Variants in SCN3A observed in about 807,000 individuals in gnomAD.
SCN3A encodes the protein sodium voltage-gated channel alpha subunit 3.
SCN3A carries 60 observed loss-of-function variants against 187.6 expected under a neutral mutation model. The ratio of observed to expected loss-of-function variants is 0.32; its 90% CI spans 0.26 to 0.40. The LOEUF is 0.40. Among genes scored for constraint, SCN3A ranks in the 10% least tolerant of loss-of-function variants. SCN3A has a pLI of 1.00. For missense variants in SCN3A, 1,601 were observed against 2,428.2 expected, an observed-to-expected ratio of 0.66 and a Z score of 7.16; for synonymous variants, 788 against 829.2, an observed-to-expected ratio of 0.95 and a Z score of 0.85.
chr2:165,150,844 A>G (rs1688647674), intron 11 of SCN3A, among the ~76,000 whole-genome samples: 2 of 152,236 alleles, frequency 1.3e-5, no homozygotes, highest in South Asian at 2.1e-4. Context: ...GCTTTAAAAT[A>G]CAATCATATG....
At chr2:165,098,429 C>T (rs959141157) in intron 22 of SCN3A, among the ~76,000 whole-genome samples, 1 of 152,102 alleles carries the variant, frequency 6.6e-6, no homozygotes, top group Non-Finnish European at 1.5e-5. Context: ...GACATCAAAA[C>T]CAGAAATCCA....
At chr2:165,115,899 C>T (rs570944604) in intron 18 of SCN3A, among the ~76,000 whole-genome samples, 1 of 152,014 alleles carries the variant, frequency 6.6e-6, no homozygotes, top group Non-Finnish European at 1.5e-5. Flanking sequence ...ACATTGAGGC[C>T]AAACCAAGAA....
Position 165,092,353 on chromosome 2 carries a change from T to C in SCN3A, c.4708A>G (p.Thr1570Ala). The change falls in exon 27 of 28, where the codon ACT becomes GCT. Residue 1570 changes from threonine (T) to alanine (A), a missense_variant. By Grantham distance (58) the Thr-to-Ala change is moderately conservative. Around this residue, in one of 11 missense-constraint regions of SCN3A, gnomAD observed 320 missense variants for 623.2 expected, o/e 0.51. Coordinates refer to ENST00000283254, the MANE Select transcript of SCN3A (RefSeq NM_006922.4). The surrounding 1 kb of genome is among the most constrained non-coding windows in gnomAD (Gnocchi z 4.2). ...RINLVFIVLFTGEFVLKLVSL... is the reference protein window; with the variant it reads ...RINLVFIVLFAGEFVLKLVSL... ...ACGAGCTTCAGCACAAATTCTCCAGTGAACAGAACAATGAACACTAGGTTG... is the reference window on the plus strand; with the variant it reads ...ACGAGCTTCAGCACAAATTCTCCAGCGAACAGAACAATGAACACTAGGTTG... 7.4e-6 allele frequency: 12 copies of C among 1,613,950 alleles called. No individual in the cohort carries two copies. The highest frequency in any genetic ancestry group is 1.0e-5 in the Non-Finnish European group (12 of 1,179,952).
At chr2:165,197,203 T>C (rs1692019305) in intron 1 of SCN3A, among the ~76,000 whole-genome samples, 1 of 152,130 alleles carries the variant, frequency 6.6e-6, no homozygotes. Flanking sequence ...TTGCATAATA[T>C]CTTTACTTAA....
chr2:165,143,911 A>G (rs912595840), intron 12 of SCN3A, among the ~76,000 whole-genome samples: 1 of 152,194 alleles, frequency 6.6e-6, no homozygotes, highest in African/African-American at 2.4e-5. Flanking sequence ...GGGAACAAGG[A>G]AAGTGAATAT....
At chr2:165,172,204 C>A (rs572763519) in intron 3 of SCN3A, among the ~76,000 whole-genome samples, 2 of 152,022 alleles carry the variant, frequency 1.3e-5, no homozygotes, top group South Asian at 4.2e-4. Flanking sequence ...TTCATTATCC[C>A]TTTGTGTTTA....
At chr2:165,153,852 GTCTCT>G (rs1203911835) in intron 11 of SCN3A, among the ~76,000 whole-genome samples, 1 of 151,336 alleles carries the variant, frequency 6.6e-6, no homozygotes, top group Non-Finnish European at 1.5e-5. Flanking sequence ...CTGTGTTTCC[GTCTCT>G]TCTCCTCAAC....
intron 18 of SCN3A, among the ~76,000 whole-genome samples, chr2:165,117,816 G>A (rs1349289554): frequency 6.6e-6 from 1 of 152,056 alleles, no homozygotes; most frequent in East Asian, 1.9e-4. Context: ...AATTATACAT[G>A]TATACACACA....
intron 1 of SCN3A, among the ~76,000 whole-genome samples, chr2:165,192,992 T>C (rs1162591674): frequency 6.6e-6 from 1 of 152,152 alleles, no homozygotes; most frequent in East Asian, 1.9e-4. Context: ...CAAAATGATA[T>C]TTAGGACATA....
chr2:165,161,101 T>TTTC (rs1012886213), intron 9 of SCN3A, among the ~76,000 whole-genome samples: 4 of 151,638 alleles, frequency 2.6e-5, no homozygotes, highest in Admixed American at 2.0e-4. Context: ...TTTTTCTTTT[T>TTTC]TTCTTCTTCT....
intron 15 of SCN3A, among the ~76,000 whole-genome samples, chr2:165,131,936 A>AT (rs1474534352): frequency 6.6e-6 from 1 of 151,874 alleles, no homozygotes; most frequent in Non-Finnish European, 1.5e-5. Flanking sequence ...TGAACTCATC[A>AT]TTTTTTATGG....
intron 5 of SCN3A, 98 bp from the exon 6 acceptor site, chr2:165,164,618 A>G (rs1212903301): frequency 6.9e-6 from 9 of 1,306,906 alleles, no homozygotes; most frequent in East Asian, 5.0e-5. Context: ...TGGTTTTTCA[A>G]TTCATTAAAA....
chr2:165,127,887 T>C lies in SCN3A; in HGVS notation c.3137A>G (p.Asp1046Gly). ...VIEIHEGNKI[D>G]SCMSNNTGIE... is the part of the protein sequence containing the mutation. Reference sequence around the variant, plus strand: ...TCCAGTATTATTGGACATGCAGCTGTCTATCTTATTGCCTTCATGGATTTC... The same window carrying C: ...TCCAGTATTATTGGACATGCAGCTGCCTATCTTATTGCCTTCATGGATTTC... Residue 1046 changes from aspartate to glycine, a missense_variant, in exon 18 of 28, where the codon GAC becomes GGC. Asp to Gly is a moderately conservative substitution (Grantham distance 94). Transcript: ENST00000283254. The C allele has an allele frequency of 6.2e-7, 1 of 1,614,192 alleles. No individual in the cohort carries two copies.
At chr2:165,163,748 C>A in intron 6 of SCN3A, 39 bp from the exon 7 acceptor site, 2 of 1,613,694 alleles carry the variant, frequency 1.2e-6, no homozygotes, top group South Asian at 1.1e-5. Flanking sequence ...CAATAACACA[C>A]AAGAAAAGTT....
At position 165,092,187 on chromosome 2, in the gene SCN3A, C is replaced by T; in HGVS notation, c.4807+67G>A. On this transcript the variant is annotated intron_variant, in intron 27 of 27. Coordinates refer to ENST00000283254, the MANE Select transcript of SCN3A (RefSeq NM_006922.4). This position sits in a 1 kb window ranked among gnomAD's most constrained non-coding sequence, Gnocchi z 4.2. ...TCTCAGACCTAATTTCCATGTTAAT[C>T]AGCTAGAAGGTCCTGGGGCAACTGT... is the stretch of plus-strand genomic sequence containing the variant. 6.9e-7 allele frequency: 1 copy of T among 1,451,552 alleles called. No individual in the cohort carries two copies. The highest frequency in any genetic ancestry group is 1.4e-5 in the African/African-American group (1 of 71,636). 89.9% of individuals were successfully genotyped at this position (1,451,552 alleles called of 1,614,324 possible).
chr2:165,123,301 T>C (rs1295070611), intron 18 of SCN3A, among the ~76,000 whole-genome samples: 1 of 152,160 alleles, frequency 6.6e-6, no homozygotes, highest in Non-Finnish European at 1.5e-5. Flanking sequence ...ACAGATGTAA[T>C]ATATATACAC....
chr2:165,128,872 G>T (rs540215834), intron 17 of SCN3A, among the ~76,000 whole-genome samples: 18 of 152,184 alleles, frequency 1.2e-4, no homozygotes, highest in South Asian at 2.1e-4. Flanking sequence ...ATGTGAAAAA[G>T]TTACTCAGCC....
In SCN3A at chr2:165,122,230, C is replaced by CTTTTTTTT. The variant is rs776949572; in HGVS notation, c.3393+5393_3393+5400dup. ...TTTTTTTTTTCTTTTTTCTTTCTTT[C>CTTTTTTTT]TTTTTTTTCTTTTTTTTTTTTTTTA... On this transcript the variant is annotated intron_variant, in intron 18 of 27. Transcript: ENST00000283254. 2.7e-4 allele frequency among the ~76,000 whole-genome samples: 31 copies of CTTTTTTTT among 113,924 alleles called. 1 individual carries two copies. Among genetic ancestry groups the CTTTTTTTT allele is most frequent in the East Asian group, 5.9e-4 (2 of 3,370 alleles). 74.7% of individuals were successfully genotyped at this position (113,924 alleles called of 152,430 possible). A position where few individuals can be genotyped will look rare whatever the true frequency, so the allele number is the denominator to read the frequency against.
At chr2:165,133,637 C>T (rs1316713330) in intron 15 of SCN3A, among the ~76,000 whole-genome samples, 1 of 152,020 alleles carries the variant, frequency 6.6e-6, no homozygotes, top group Non-Finnish European at 1.5e-5. Flanking sequence ...AGCCAACACA[C>T]CCAGCCATGT....
Sources: allele counts gnomAD v4.1 joint callset (sites outside exome capture counted in the v4.1 genomes callset), GRCh38; gene constraint gnomAD v4.1.1; regional missense constraint gnomAD v4.1.1; non-coding constraint Gnocchi (gnomAD v3.1); transcripts MANE v1.5; gene names NCBI Gene and HGNC (gene_info 2026-07-23, HGNC 2026-07-21).